HDAC4: variants seen among roughly 807,000 people sequenced by gnomAD.
The protein encoded by HDAC4 is histone deacetylase A.
In HDAC4, 16 loss-of-function variants were observed where a neutral mutation model predicts 135.1. The ratio of observed to expected loss-of-function variants is 0.12; its 90% CI spans 0.08 to 0.18. The LOEUF (loss-of-function observed/expected upper bound fraction) is 0.18, where lower values mean the gene tolerates loss of function less well. Among genes scored for constraint, HDAC4 ranks in the 10% least tolerant of loss-of-function variants. The pLI, the probability that HDAC4 is intolerant of heterozygous loss-of-function variation, is 1.00. For missense variants in HDAC4, 1,143 were observed against 1,511.8 expected (o/e 0.76, Z 4.05); for synonymous variants, 685 against 653.4 (o/e 1.05, Z -0.74).
chr2:239,309,637 C>T lies in HDAC4; in HGVS notation c.22+43041G>A, dbSNP rs1363677638. Among the ~76,000 whole-genome samples the T allele has an allele frequency of 1.3e-5, 2 of 152,324 alleles. No individual in the cohort carries two copies. Among genetic ancestry groups the T allele is most frequent in the East Asian group, 3.9e-4 (2 of 5,176 alleles). ...CCTGCCAGTGAGGGCCAGCGAGGGG[C>T]CCAGGGAGAAGATGGAGGTCAAGTC... is the stretch of plus-strand genomic sequence containing the variant. On this transcript the variant is annotated intron_variant, in intron 2 of 26. Transcript: ENST00000543185. This position sits in a 1 kb window ranked among gnomAD's most constrained non-coding sequence, Gnocchi z 4.2.
At chr2:239,369,887 C>T (rs985808567) in intron 1 of HDAC4, among the ~76,000 whole-genome samples, 6 of 152,220 alleles carry the variant, frequency 3.9e-5, no homozygotes, top group African/African-American at 1.4e-4. Flanking sequence ...TGCCTGAAGG[C>T]TTGTACTGAA....
At chr2:239,256,716 G>A (rs954337657) in intron 2 of HDAC4, among the ~76,000 whole-genome samples, 4 of 152,246 alleles carry the variant, frequency 2.6e-5, no homozygotes, top group South Asian at 2.1e-4. Flanking sequence ...CAGATGACTG[G>A]ATGAATAAAT....
intron 1 of HDAC4, among the ~76,000 whole-genome samples, chr2:239,384,230 T>C (rs952123698): frequency 2.6e-4 from 39 of 152,304 alleles, no homozygotes; most frequent in Admixed American, 8.5e-4. Context: ...GATACCTGCG[T>C]GGGCTGAAAA....
intron 8 of HDAC4, 151 bp downstream of exon 8, chr2:239,144,432 A>G (rs1017240099): frequency 5.0e-5 from 52 of 1,036,168 alleles, no homozygotes; most frequent in Non-Finnish European, 4.2e-5. Context: ...TGGGCCTGGC[A>G]CTTCCAGCGC....
rs1388903610 is a variant in HDAC4 at position 239,400,447 on chromosome 2, GC to G, written c.-220+530del. The G allele has an allele frequency of 1.4e-5, 2 of 145,852 alleles. No individual in the cohort carries two copies. The highest frequency in any genetic ancestry group is 4.9e-5 in the African/African-American group (2 of 40,716). 9.0% of individuals were successfully genotyped at this position (145,852 alleles called of 1,614,324 possible). A position where few individuals can be genotyped will look rare whatever the true frequency, so the allele number is the denominator to read the frequency against. On this transcript the variant is annotated intron_variant, in intron 1 of 26. Transcript: ENST00000543185. This position sits in a 1 kb window ranked among gnomAD's most constrained non-coding sequence, Gnocchi z 4.7. ...CTGCCGTGCCCACCCCCGCGCCCCC[GC>G]CCCGGCGGGCGAAGCCGCCTCGCGG...
intron 4 of HDAC4, among the ~76,000 whole-genome samples, chr2:239,180,404 G>C (rs1045914345): frequency 6.6e-6 from 1 of 151,798 alleles, no homozygotes; most frequent in Admixed American, 6.6e-5. Flanking sequence ...CGGTTTCCAC[G>C]ACCACCCAGA....
At position 239,360,247 on chromosome 2, in the gene HDAC4, G is replaced by A. The variant is rs573114156; in HGVS notation, c.-219-7329C>T. Among the ~76,000 whole-genome samples, 126 of 152,258 alleles carry A rather than the reference G, an allele frequency of 8.3e-4. 1 individual carries two copies. Among genetic ancestry groups the A allele is most frequent in the Non-Finnish European group, 1.1e-3 (75 of 68,006 alleles). On this transcript the variant is annotated intron_variant, in intron 1 of 26. Coordinates refer to ENST00000543185, the MANE Select transcript of HDAC4 (RefSeq NM_001378414.1). ...CCAATGGGAATGAGGGTCATTCCTC[G>A]AAGGAAAACTGAAGAATCATTACCA...
rs190918243 is a variant in HDAC4 at position 239,077,553 on chromosome 2, T to C, written c.2750+3542A>G. ...CTCTCAGCTCTGAGGCTGTAGCTTA[T>C]ATGCTTTTGCTTCTTTTTGCTTCTC... On this transcript the variant is annotated intron_variant, in intron 22 of 26. Coordinates refer to ENST00000543185, the MANE Select transcript of HDAC4 (RefSeq NM_001378414.1). 1.5e-4 allele frequency among the ~76,000 whole-genome samples: 23 copies of C among 152,398 alleles called. No individual in the cohort carries two copies. In the East Asian group the frequency reaches 4.0e-3, roughly 27 times the overall value.
chr2:239,382,400 A>G (rs1446270407), intron 1 of HDAC4, among the ~76,000 whole-genome samples: 2 of 152,216 alleles, frequency 1.3e-5, no homozygotes, highest in Admixed American at 6.5e-5. Context: ...TTGCTGATCT[A>G]TTCTACCAAT....
intron 20 of HDAC4, among the ~76,000 whole-genome samples, chr2:239,083,788 C>T (rs1027721442): frequency 5.3e-5 from 8 of 152,298 alleles, no homozygotes; most frequent in South Asian, 2.1e-4. Flanking sequence ...AGCAGACTGC[C>T]GCCTTCGACC....
In HDAC4 at chr2:239,299,465, G is replaced by A. The variant is rs373515289; in HGVS notation, c.22+53213C>T. Among the ~76,000 whole-genome samples, 4 of 152,372 alleles carry A rather than the reference G, an allele frequency of 2.6e-5. No homozygotes were observed. The East Asian group carries it at 7.7e-4, about 29-fold the overall frequency. On this transcript the variant is annotated intron_variant, in intron 2 of 26. Transcript: ENST00000543185. The surrounding 1 kb of genome is among the most constrained non-coding windows in gnomAD (Gnocchi z 4.0). ...GATCCCCTCGCACAACCACGGCACTGGGGTGCCGAAACCAGAAGAGACATG... is the reference window on the plus strand; with the variant it reads ...GATCCCCTCGCACAACCACGGCACTAGGGTGCCGAAACCAGAAGAGACATG...
intron 2 of HDAC4, among the ~76,000 whole-genome samples, chr2:239,292,658 T>C (rs78656872): frequency 0.023 from 3,453 of 152,176 alleles, 65 homozygotes; most frequent in Middle Eastern, 0.048. Flanking sequence ...AAATAAGGCA[T>C]GATCCAGTGT....
Position 239,301,470 on chromosome 2 carries a change from TC to T in HDAC4, c.22+51207del, listed in dbSNP as rs781161616. On this transcript the variant is annotated intron_variant, in intron 2 of 26. Coordinates refer to ENST00000543185, the MANE Select transcript of HDAC4 (RefSeq NM_001378414.1). ...TTCTAAATTCTGCTGGTGCTTTCTT[TC>T]TTTTTTTTTTTTTTTATTTTTCTCT... Among the ~76,000 whole-genome samples, 469 of 110,938 alleles carry T rather than the reference TC, an allele frequency of 4.2e-3. 5 individuals carry two copies. The highest frequency in any genetic ancestry group is 6.0e-3 in the South Asian group (20 of 3,336). The allele number at this position is 110,938 out of a possible 152,430, so 72.8% of individuals were successfully genotyped here.
intron 1 of HDAC4, among the ~76,000 whole-genome samples, chr2:239,399,044 A>G (rs958906122): frequency 6.6e-6 from 1 of 152,260 alleles, no homozygotes; most frequent in Non-Finnish European, 1.5e-5. Flanking sequence ...TTTTTAAGGC[A>G]TGAAAATACT....
intron 2 of HDAC4, among the ~76,000 whole-genome samples, chr2:239,314,625 A>C (rs1012618351): frequency 4.6e-5 from 7 of 152,218 alleles, no homozygotes; most frequent in Non-Finnish European, 8.8e-5. Context: ...ATTTAAAACT[A>C]AATGAGTGAG....
intron 24 of HDAC4, among the ~76,000 whole-genome samples, chr2:239,064,165 C>T (rs1384857470): frequency 2.0e-5 from 3 of 152,270 alleles, no homozygotes; most frequent in Non-Finnish European, 2.9e-5. Flanking sequence ...GCTCCCCTTG[C>T]TGTGCCGGGC....
chr2:239,190,226 C>A, intron 3 of HDAC4, 149 bp from the exon 4 acceptor site: 2 of 1,117,548 alleles, frequency 1.8e-6, no homozygotes, highest in Non-Finnish European at 2.5e-6. Flanking sequence ...CCCCCTGTCC[C>A]CCTCTTGCCC....
intron 7 of HDAC4, among the ~76,000 whole-genome samples, chr2:239,153,085 T>C (rs2042213702): frequency 6.6e-6 from 1 of 152,170 alleles, no homozygotes. Flanking sequence ...GCAGGCGATG[T>C]GAATGCCCAG....
At chr2:239,116,931 A>AC (rs975296448) in intron 12 of HDAC4, among the ~76,000 whole-genome samples, 2 of 150,540 alleles carry the variant, frequency 1.3e-5, no homozygotes, top group Admixed American at 6.6e-5. Context: ...CTCCTCCAGC[A>AC]CCCCCCGACC....
Sources: gnomAD v4.1 joint callset for allele counts (sites outside exome capture counted in the v4.1 genomes callset) on GRCh38, gnomAD v4.1.1 for gene constraint, Gnocchi (gnomAD v3.1) non-coding constraint, MANE v1.5 for transcripts, NCBI Gene and HGNC (gene_info 2026-07-23, HGNC 2026-07-21) for gene names.